Variants in ESRRG observed in about 807,000 individuals in gnomAD.
The protein encoded by ESRRG is estrogen-related receptor gamma.
In ESRRG, 13 loss-of-function variants were observed where a neutral mutation model predicts 44.0. The ratio of observed to expected loss-of-function variants is 0.30; its 90% CI spans 0.19 to 0.47. The LOEUF (loss-of-function observed/expected upper bound fraction) is 0.47, where lower values mean the gene tolerates loss of function less well. ESRRG is among the 20% of genes least tolerant of loss of function. The pLI is 1.00. For missense variants in ESRRG, 395 were observed against 580.6 expected, an observed-to-expected ratio of 0.68 and a Z score of 3.29; for synonymous variants, 215 against 214.6, an observed-to-expected ratio of 1.00 and a Z score of -0.02.
chr1:216,848,934 A>G (rs1328657335), intron 2 of ESRRG, among the ~76,000 whole-genome samples: 7 of 152,038 alleles, frequency 4.6e-5, no homozygotes, highest in Admixed American at 4.6e-4. Flanking sequence ...GCACTTAAAT[A>G]TCTTGTATTT....
intron 1 of ESRRG, among the ~76,000 whole-genome samples, chr1:217,102,574 C>T (rs1026649179): frequency 1.7e-4 from 26 of 152,306 alleles, no homozygotes; most frequent in Middle Eastern, 3.4e-3. Flanking sequence ...TTTCTCTGCA[C>T]ACTTTTAAAA....
At chr1:217,038,090 G>T (rs1435963835) in intron 1 of ESRRG, among the ~76,000 whole-genome samples, 1 of 152,154 alleles carries the variant, frequency 6.6e-6, no homozygotes, top group Non-Finnish European at 1.5e-5. Flanking sequence ...CAGGTGCAAG[G>T]TACAAGCTGT....
intron 1 of ESRRG, among the ~76,000 whole-genome samples, chr1:216,686,581 C>A (rs1575300859): frequency 6.6e-6 from 1 of 151,760 alleles, no homozygotes; most frequent in East Asian, 1.9e-4. Context: ...CAAATGCAAA[C>A]ATGCAGAGAA....
intron 1 of ESRRG, among the ~76,000 whole-genome samples, chr1:217,060,344 T>C (rs1434515873): frequency 1.3e-5 from 2 of 152,118 alleles, no homozygotes; most frequent in African/African-American, 2.4e-5. Flanking sequence ...ATTGAAGTCA[T>C]ATTGTGAAGG....
At chr1:216,666,758 C>T (rs1297142387) in intron 2 of ESRRG, among the ~76,000 whole-genome samples, 1 of 152,154 alleles carries the variant, frequency 6.6e-6, no homozygotes, top group Non-Finnish European at 1.5e-5. Context: ...TAAAATTCCA[C>T]CTTGCAAAAG....
intron 5 of ESRRG, among the ~76,000 whole-genome samples, chr1:216,519,773 A>C (rs1305953354): frequency 2.0e-5 from 3 of 149,714 alleles, no homozygotes; most frequent in African/African-American, 7.4e-5. Context: ...ATTTTCAACT[A>C]TCTCATCTCT....
chr1:216,573,913 G>T (rs974675645), intron 3 of ESRRG, among the ~76,000 whole-genome samples: 2 of 151,934 alleles, frequency 1.3e-5, no homozygotes, highest in African/African-American at 4.8e-5. Context: ...TTTATGATCA[G>T]AACCTGGGAA....
At chr1:216,585,063 G>A (rs772178443) in intron 3 of ESRRG, among the ~76,000 whole-genome samples, 3 of 152,072 alleles carry the variant, frequency 2.0e-5, no homozygotes, top group East Asian at 3.8e-4. Flanking sequence ...CTATCAATAC[G>A]TGTTCAGCCT....
At chr1:216,725,826 G>A (rs1316097964), upstream of ESRRG, among the ~76,000 whole-genome samples, 6 of 152,144 alleles carry the variant, frequency 3.9e-5, no homozygotes, top group Non-Finnish European at 7.4e-5. Context: ...TTGCACCGGT[G>A]CAGAATCCTG....
intron 2 of ESRRG, among the ~76,000 whole-genome samples, chr1:216,802,449 G>A (rs2094652511): frequency 6.6e-6 from 1 of 152,022 alleles, no homozygotes; most frequent in Non-Finnish European, 1.5e-5. Flanking sequence ...AGTTGTAGTT[G>A]GAAAAGAAAT....
intron 2 of ESRRG, among the ~76,000 whole-genome samples, chr1:216,772,388 C>T (rs2093420755): frequency 6.6e-6 from 1 of 152,074 alleles, no homozygotes; most frequent in South Asian, 2.1e-4. Flanking sequence ...CGGGTAGAAG[C>T]TGCACATGAC....
intron 2 of ESRRG, among the ~76,000 whole-genome samples, chr1:216,778,961 G>A (rs996000750): frequency 2.7e-5 from 4 of 149,932 alleles, no homozygotes; most frequent in Admixed American, 1.4e-4. Context: ...TGAAGCCATG[G>A]GCCTCTTCCT....
intron 2 of ESRRG, among the ~76,000 whole-genome samples, chr1:216,760,729 T>C (rs998867634): frequency 2.1e-4 from 32 of 152,260 alleles, no homozygotes; most frequent in African/African-American, 7.0e-4. Flanking sequence ...GGAGGGCATG[T>C]ACACTTTTCA....
intron 2 of ESRRG, among the ~76,000 whole-genome samples, chr1:216,870,076 A>T (rs2096238957): frequency 1.3e-5 from 2 of 152,026 alleles, no homozygotes; most frequent in African/African-American, 4.8e-5. Context: ...GATCATAGGG[A>T]GAAAGCATTT....
At chr1:217,076,978 G>C (rs1344799700) in intron 1 of ESRRG, 1 of 152,198 alleles carries the variant, frequency 6.6e-6, no homozygotes, top group Admixed American at 6.6e-5. Flanking sequence ...AAATAGGTAA[G>C]GGGGGAAGAA....
chr1:216,777,299 C>T, intron 2 of ESRRG, among the ~76,000 whole-genome samples: 1 of 152,096 alleles, frequency 6.6e-6, no homozygotes, highest in East Asian at 1.9e-4. Flanking sequence ...CGAGGCAATG[C>T]TAAGAGTCTG....
At chr1:216,907,129 A>G (rs2059769386) in intron 2 of ESRRG, among the ~76,000 whole-genome samples, 1 of 152,218 alleles carries the variant, frequency 6.6e-6, no homozygotes, top group Non-Finnish European at 1.5e-5. Context: ...TAAACTGCTC[A>G]TGCAGCAGGA....
chr1:217,041,321 T>G (rs578019419), intron 1 of ESRRG, among the ~76,000 whole-genome samples: 5 of 152,188 alleles, frequency 3.3e-5, no homozygotes, highest in Non-Finnish European at 7.3e-5. Flanking sequence ...ATCATTCTTC[T>G]GATACAAGAC....
chr1:216,533,493 G>A (rs1558317108), intron 5 of ESRRG, among the ~76,000 whole-genome samples: 1 of 152,116 alleles, frequency 6.6e-6, no homozygotes, highest in Non-Finnish European at 1.5e-5. Flanking sequence ...TTTATTTAAT[G>A]TGTAGAGATG....
Sources: gnomAD v4.1 joint callset for allele counts (sites outside exome capture counted in the v4.1 genomes callset) on GRCh38, gnomAD v4.1.1 for gene constraint, MANE v1.5 for transcripts, NCBI Gene and HGNC (gene_info 2026-07-23, HGNC 2026-07-21) for gene names.